Variants in REG4 observed in about 807,000 individuals in gnomAD.
The protein encoded by REG4 is regenerating islet-derived protein 4.
REG4 carries 16 observed loss-of-function variants against 22.3 expected under a neutral mutation model. The observed-to-expected ratio is 0.72, with a 90% confidence interval of 0.49 to 1.09. REG4 has a LOEUF of 1.09. REG4 is among the 50% of genes least tolerant of loss of function. The probability of loss-of-function intolerance (pLI) is 0.00; values close to 1 mark genes in which losing one functional copy is unlikely to be tolerated. For missense variants in REG4, 214 were observed against 193.9 expected, an observed-to-expected ratio of 1.10 and a Z score of -0.61; for synonymous variants, 71 against 69.2, an observed-to-expected ratio of 1.03 and a Z score of -0.13.
chr1:119,808,283 C>T (rs1345532512), intron 2 of REG4, among the ~76,000 whole-genome samples: 2 of 152,160 alleles, frequency 1.3e-5, no homozygotes, highest in African/African-American at 2.4e-5. Context: ...GTATAAGCGC[C>T]ATCTCTCTAA....
At chr1:119,796,598 C>G (rs1156360769) in intron 5 of REG4, among the ~76,000 whole-genome samples, 1 of 152,124 alleles carries the variant, frequency 6.6e-6, no homozygotes, top group Non-Finnish European at 1.5e-5. Context: ...GAGCAAAATC[C>G]ATTGTACTGA....
At chr1:119,806,038 C>T (rs1258249422) in intron 2 of REG4, among the ~76,000 whole-genome samples, 5 of 152,182 alleles carry the variant, frequency 3.3e-5, no homozygotes, top group African/African-American at 1.2e-4. Flanking sequence ...CTCAGGTGAT[C>T]CTCCCACCTC....
At position 119,803,133 on chromosome 1, in the gene REG4, A is replaced by C; in HGVS notation, c.100T>G (p.Trp34Gly). Residue 34 changes from tryptophan to glycine, a missense_variant, in exon 3 of 6, where the codon TGG becomes GGG. Physicochemically the swap from Trp to Gly is radical, Grantham distance 184. Coordinates refer to ENST00000256585, the MANE Select transcript of REG4 (RefSeq NM_032044.4). The part of the protein sequence containing the change: ...IIMRPSCAPG[W>G]FYHKSNCYGY... The stretch of plus-strand genomic sequence containing the variant: ...TAGCAATTGGACTTGTGGTAAAACC[A>C]TCCAGGAGCACAGCTGGGTCTCATG... 1 of 1,530,776 alleles carries C rather than the reference A, an allele frequency of 6.5e-7. No homozygotes were observed. Among genetic ancestry groups the C allele is most frequent in the Non-Finnish European group, 8.8e-7 (1 of 1,141,876 alleles). The allele number at this position is 1,530,776 out of a possible 1,614,324, so 94.8% of individuals were successfully genotyped here. A position where few individuals can be genotyped will look rare whatever the true frequency, so the allele number is the denominator to read the frequency against.
At chr1:119,798,209 G>A (rs1344908647) in intron 5 of REG4, among the ~76,000 whole-genome samples, 1 of 152,118 alleles carries the variant, frequency 6.6e-6, no homozygotes, top group Non-Finnish European at 1.5e-5. Flanking sequence ...TATAGAATGT[G>A]ATTTTAAAAT....
chr1:119,795,521 C>A (rs1571060973), intron 5 of REG4, among the ~76,000 whole-genome samples: 1 of 152,358 alleles, frequency 6.6e-6, no homozygotes, highest in East Asian at 1.9e-4. Flanking sequence ...CCAACTATTT[C>A]CCTCCCAGAA....
chr1:119,804,748 C>T (rs1654238327), intron 2 of REG4, among the ~76,000 whole-genome samples: 1 of 152,140 alleles, frequency 6.6e-6, no homozygotes, highest in Admixed American at 6.6e-5. Flanking sequence ...CCTGTCTTTG[C>T]ACTCTGTCTA....
At chr1:119,810,859 C>A (rs937024764) in intron 1 of REG4, among the ~76,000 whole-genome samples, 1 of 152,004 alleles carries the variant, frequency 6.6e-6, no homozygotes, top group African/African-American at 2.4e-5. Context: ...TCAAGACCAG[C>A]CTGGCCAACA....
intron 1 of REG4, among the ~76,000 whole-genome samples, chr1:119,810,739 C>T (rs1654469239): frequency 6.6e-6 from 1 of 152,132 alleles, no homozygotes; most frequent in Non-Finnish European, 1.5e-5. Flanking sequence ...CATTGAATGT[C>T]TGCATGTCAT....
At chr1:119,806,519 G>T (rs78248699) in intron 2 of REG4, among the ~76,000 whole-genome samples, 2 of 152,296 alleles carry the variant, frequency 1.3e-5, no homozygotes, top group Non-Finnish European at 2.9e-5. Flanking sequence ...AAGCACATTC[G>T]TTGAGATTAT....
chr1:119,810,304 C>T lies in REG4; in HGVS notation c.-95+1105G>A, dbSNP rs114040592. 3.3e-3 allele frequency among the ~76,000 whole-genome samples: 504 copies of T among 152,170 alleles called. 3 individuals carry two copies. Among genetic ancestry groups the T allele is most frequent in the African/African-American group, 0.011 (472 of 41,502 alleles). On this transcript the variant is annotated intron_variant, in intron 1 of 5. Transcript: ENST00000256585. ...GAAACTGAGTTCTGGATTTCCCTCC[C>T]AAATAATTCTTAAAATGAGTTAATT...
intron 1 of REG4, among the ~76,000 whole-genome samples, chr1:119,809,434 CTT>C (rs1167899738): frequency 6.6e-6 from 1 of 152,152 alleles, no homozygotes; most frequent in Non-Finnish European, 1.5e-5. Flanking sequence ...ATGGCTTTAT[CTT>C]TTCCCCATTA....
At chr1:119,796,024 A>C (rs1218771984) in intron 5 of REG4, among the ~76,000 whole-genome samples, 1 of 152,218 alleles carries the variant, frequency 6.6e-6, no homozygotes, top group Non-Finnish European at 1.5e-5. Context: ...GGCGGAGTGC[A>C]GGGAAGGGTG....
At chr1:119,802,606 G>C (rs61789690) in intron 3 of REG4, 207,897 of 1,290,700 alleles carry the variant, frequency 0.16, 16,900 homozygotes, top group South Asian at 0.21. Context: ...ACTGTGTAGA[G>C]CAGCGGAAAA....
chr1:119,801,648 A>C (rs1420690337), intron 3 of REG4: 1 of 152,336 alleles, frequency 6.6e-6, no homozygotes, highest in African/African-American at 2.4e-5. Flanking sequence ...CGTTGCCTCC[A>C]TCAGCTTCCA....
chr1:119,799,698 G>A (rs1247229428), intron 4 of REG4, 27 bp downstream of exon 4: 2 of 1,606,504 alleles, frequency 1.2e-6, no homozygotes, highest in East Asian at 2.2e-5. Context: ...TTCCCAAGAG[G>A]GCCTTTGTGG....
intron 5 of REG4, among the ~76,000 whole-genome samples, chr1:119,796,514 C>G (rs1049957817): frequency 6.6e-6 from 1 of 152,036 alleles, no homozygotes; most frequent in Non-Finnish European, 1.5e-5. Context: ...AAAGAGAGAA[C>G]AAGAATGTGT....
intron 3 of REG4, among the ~76,000 whole-genome samples, chr1:119,800,411 C>A (rs1432095286): frequency 6.6e-6 from 1 of 152,172 alleles, no homozygotes; most frequent in African/African-American, 2.4e-5. Context: ...ACACAATGTG[C>A]ATCAGAGAAC....
chr1:119,808,065 C>T (rs587772114), intron 2 of REG4, among the ~76,000 whole-genome samples: 1 of 152,370 alleles, frequency 6.6e-6, no homozygotes, highest in South Asian at 2.1e-4. Context: ...CTACCCTTTT[C>T]TGGAATTCAT....
chr1:119,806,629 G>A (rs587635887), intron 2 of REG4, among the ~76,000 whole-genome samples: 1 of 152,326 alleles, frequency 6.6e-6, no homozygotes, highest in African/African-American at 2.4e-5. Context: ...AACCTGCTGA[G>A]GTTACCCAGA....
Sources: allele counts gnomAD v4.1 joint callset (sites outside exome capture counted in the v4.1 genomes callset), GRCh38; gene constraint gnomAD v4.1.1; transcripts MANE v1.5; gene names NCBI Gene and HGNC (gene_info 2026-07-23, HGNC 2026-07-21).